The following DMXL1 variants were observed in gnomAD, a reference collection of about 807,000 sequenced individuals.
The protein encoded by DMXL1 is dmX-like protein 1.
A neutral mutation model predicts 319.2 loss-of-function variants in DMXL1; 99 were observed. The ratio of observed to expected loss-of-function variants is 0.31; its 90% CI spans 0.26 to 0.37. The LOEUF is 0.37. DMXL1 is among the 10% of genes least tolerant of loss of function. The pLI is 1.00. For synonymous variants in DMXL1, 1,385 were observed against 1,235.2 expected, an observed-to-expected ratio of 1.12 and a Z score of -2.54; for missense variants, 3,745 against 3,595.6, an observed-to-expected ratio of 1.04 and a Z score of -1.06.
intron 38 of DMXL1, among the ~76,000 whole-genome samples, chr5:119,230,516 G>T (rs1426111205): frequency 4.6e-5 from 7 of 152,180 alleles, no homozygotes; most frequent in Admixed American, 4.6e-4. Flanking sequence ...ACAGGCAGAA[G>T]CAGATTCTAT....
At chr5:119,125,754 C>T (rs114661873) in intron 9 of DMXL1, among the ~76,000 whole-genome samples, 5,144 of 151,932 alleles carry the variant, frequency 0.034, 114 homozygotes, top group Non-Finnish European at 0.053. Flanking sequence ...TTAATAAAGG[C>T]GGGGTTTCAC....
rs1426115832 is a variant in DMXL1, at chr5:119,089,309, T to A, written c.88-8670T>A. The stretch of plus-strand genomic sequence containing the variant: ...ATATATATATTTTTTTTTTTTTTTT[T>A]TTTTTTTTTTTTTTGAGACAGAGTC... On this transcript the variant is annotated intron_variant, in intron 1 of 43. Coordinates refer to ENST00000539542, the MANE Select transcript of DMXL1 (RefSeq NM_001290321.3). Among the ~76,000 whole-genome samples the A allele has an allele frequency of 1.0e-4, 11 of 107,592 alleles. No homozygotes were observed. In the East Asian group the frequency reaches 1.7e-3, roughly 16 times the overall value. The allele number at this position is 107,592 out of a possible 152,430, so 70.6% of individuals were successfully genotyped here. A position where few individuals can be genotyped will look rare whatever the true frequency, so the allele number is the denominator to read the frequency against.
chr5:119,093,750 A>G (rs1246072296), intron 1 of DMXL1, among the ~76,000 whole-genome samples: 1 of 143,770 alleles, frequency 7.0e-6, no homozygotes, highest in East Asian at 1.9e-4. Flanking sequence ...AAAGGAAACT[A>G]TTAATTAAAG....
intron 1 of DMXL1, among the ~76,000 whole-genome samples, chr5:119,087,578 T>A (rs1753657279): frequency 6.6e-6 from 1 of 152,212 alleles, no homozygotes; most frequent in Non-Finnish European, 1.5e-5. Context: ...ACCTCAGATA[T>A]GTCTCTTCTT....
intron 1 of DMXL1, among the ~76,000 whole-genome samples, chr5:119,095,368 A>G (rs570442151): frequency 6.6e-6 from 1 of 152,310 alleles, no homozygotes; most frequent in Admixed American, 6.5e-5. Flanking sequence ...CTAAGTGTTT[A>G]TTTCTGGGAT....
At position 119,237,505 on chromosome 5, in the gene DMXL1, A is replaced by T. The variant is rs188783851; in HGVS notation, c.8559+91A>T. ...TATTTGAGACAAGAAATATAGAACT[A>T]ATAAATAAAATATAGTCCTGTGTTC... On this transcript the variant is annotated intron_variant, in intron 40 of 43. Transcript: ENST00000539542. The T allele has an allele frequency of 1.3e-4, 95 of 744,018 alleles. No homozygotes were observed. In the Admixed American group the frequency reaches 1.4e-3, roughly 11 times the overall value. The allele number at this position is 744,018 out of a possible 1,614,324, so 46.1% of individuals were successfully genotyped here.
At position 119,247,293 on chromosome 5, in the gene DMXL1, C is replaced by T; in HGVS notation, c.*74C>T. The T allele has an allele frequency of 2.0e-6, 2 of 992,548 alleles. No homozygotes were observed. The highest frequency in any genetic ancestry group is 2.9e-6 in the Non-Finnish European group (2 of 678,212). 61.5% of individuals were successfully genotyped at this position (992,548 alleles called of 1,614,324 possible). Reference sequence around the variant, plus strand: ...ACAGATATAATATACAGTGATCATTCTCTATGCCACAAATTAGCTAATGCT... The same window carrying T: ...ACAGATATAATATACAGTGATCATTTTCTATGCCACAAATTAGCTAATGCT... On this transcript the variant is annotated 3_prime_UTR_variant, in exon 44 of 44. Transcript: ENST00000539542.
intron 29 of DMXL1, among the ~76,000 whole-genome samples, chr5:119,191,353 C>T (rs1228972264): frequency 6.6e-6 from 1 of 152,174 alleles, no homozygotes; most frequent in African/African-American, 2.4e-5. Flanking sequence ...GTCTCCCAGG[C>T]CTGCTGAGCT....
chr5:119,073,923 G>GTT (rs112722333), intron 1 of DMXL1, among the ~76,000 whole-genome samples: 3 of 143,382 alleles, frequency 2.1e-5, no homozygotes, highest in Admixed American at 7.0e-5. Context: ...GTTTTGTGTT[G>GTT]TTTTTTTTTT....
rs1483398392 is a variant in DMXL1 at position 119,175,209 on chromosome 5, AT to A, written c.6682-51del. The stretch of plus-strand genomic sequence containing the variant: ...TGATTATATTAGGTCTTGAAAAAAA[AT>A]CTGCACTTTAAAAAGGTTATACTTA... On this transcript the variant is annotated intron_variant, in intron 25 of 43. Coordinates refer to ENST00000539542, the MANE Select transcript of DMXL1 (RefSeq NM_001290321.3). 33 of 1,436,274 alleles carry A rather than the reference AT, an allele frequency of 2.3e-5. No homozygotes were observed. The East Asian group carries it at 7.4e-4, about 32-fold the overall frequency. 89.0% of individuals were successfully genotyped at this position (1,436,274 alleles called of 1,614,324 possible).
Position 119,248,936 on chromosome 5 carries a change from A to G in DMXL1, c.*1717A>G. The G allele has an allele frequency of 6.6e-6, 1 of 152,514 alleles. No individual in the cohort carries two copies. The highest frequency in any genetic ancestry group is 1.9e-4 in the East Asian group (1 of 5,196). 9.4% of individuals were successfully genotyped at this position (152,514 alleles called of 1,614,324 possible). A position where few individuals can be genotyped will look rare whatever the true frequency, so the allele number is the denominator to read the frequency against. On this transcript the variant is annotated 3_prime_UTR_variant, in exon 44 of 44. Transcript: ENST00000539542. Reference sequence around the variant, plus strand: ...TTTTCAGTAATTTCTTCACAAATCAAGATTCAAACAGCTTTAAACACTTCC... The same window carrying G: ...TTTTCAGTAATTTCTTCACAAATCAGGATTCAAACAGCTTTAAACACTTCC...
At chr5:119,123,305 G>A (rs1762647857) in intron 9 of DMXL1, among the ~76,000 whole-genome samples, 1 of 136,900 alleles carries the variant, frequency 7.3e-6, no homozygotes, top group Admixed American at 7.5e-5. Flanking sequence ...AAGAGGGAGA[G>A]GGGAGACCGT....
intron 3 of DMXL1, among the ~76,000 whole-genome samples, chr5:119,104,560 A>C (rs940563991): frequency 1.3e-5 from 2 of 152,176 alleles, no homozygotes; most frequent in Admixed American, 6.5e-5. Context: ...GTAGGCCACA[A>C]CCCGAATTTA....
intron 23 of DMXL1, among the ~76,000 whole-genome samples, chr5:119,168,720 T>TA (rs1773936245): frequency 1.3e-5 from 2 of 151,370 alleles, no homozygotes; most frequent in Non-Finnish European, 2.9e-5. Flanking sequence ...GTGTTTTTAT[T>TA]TAAAAAAAAA....
chr5:119,216,810 T>C, intron 34 of DMXL1, 91 bp from the exon 35 acceptor site: 3 of 713,858 alleles, frequency 4.2e-6, no homozygotes, highest in South Asian at 3.6e-5. Flanking sequence ...CTTAAAATAA[T>C]TTATGCAAGT....
rs1432489919 is a variant in DMXL1 at position 119,130,522 on chromosome 5, T to TAGTCA, written c.1315+1102_1315+1106dup. On this transcript the variant is annotated intron_variant, in intron 10 of 43. Coordinates refer to ENST00000539542, the MANE Select transcript of DMXL1 (RefSeq NM_001290321.3). ...CACACCTGGCTAATTTTTTTATTTTTAGTCAAGACAGGGTTTCACCATGTT... is the reference window on the plus strand; with the variant it reads ...CACACCTGGCTAATTTTTTTATTTTTAGTCAAGTCAAGACAGGGTTTCACCATGTT... 2.0e-5 allele frequency among the ~76,000 whole-genome samples: 3 copies of TAGTCA among 152,292 alleles called. No homozygotes were observed. The East Asian group carries it at 5.8e-4, about 29-fold the overall frequency.
At chr5:119,211,936 A>G in intron 34 of DMXL1, among the ~76,000 whole-genome samples, 1 of 152,194 alleles carries the variant, frequency 6.6e-6, no homozygotes, top group East Asian at 1.9e-4. Flanking sequence ...AATATTCCGT[A>G]GGATCCTGGT....
chr5:119,133,065 G>A (rs1052936337), intron 10 of DMXL1, 67 bp from the exon 11 acceptor site: 27 of 1,555,394 alleles, frequency 1.7e-5, no homozygotes, highest in Non-Finnish European at 2.1e-5. Context: ...CCAGAAGCTC[G>A]GTAATTCTTA....
At chr5:119,240,262 G>A (rs934515829) in intron 41 of DMXL1, among the ~76,000 whole-genome samples, 157 bp from the exon 42 acceptor site, 1 of 152,098 alleles carries the variant, frequency 6.6e-6, no homozygotes, top group Non-Finnish European at 1.5e-5. Context: ...ATAAAAATTA[G>A]TTTCATATAA....
Sources: gnomAD v4.1 joint callset for allele counts (sites outside exome capture counted in the v4.1 genomes callset) on GRCh38, gnomAD v4.1.1 for gene constraint, MANE v1.5 for transcripts, NCBI Gene and HGNC (gene_info 2026-07-23, HGNC 2026-07-21) for gene names.